Variants in CD69 observed in about 807,000 individuals in gnomAD.
CD69 encodes early activation antigen CD69.
CD69 carries 10 observed loss-of-function variants against 21.4 expected under a neutral mutation model. That is an observed-to-expected ratio of 0.47 (90% CI 0.29 to 0.79). The LOEUF (loss-of-function observed/expected upper bound fraction) is 0.79, where lower values mean the gene tolerates loss of function less well. Ranked by LOEUF, CD69 falls within the 30% of genes least tolerant of loss-of-function variation. The pLI, the probability that CD69 is intolerant of heterozygous loss-of-function variation, is 0.09. For synonymous variants in CD69, 63 were observed against 78.2 expected (o/e 0.81, Z 1.03); for missense variants, 204 against 236.9 (o/e 0.86, Z 0.91).
chr12:9,757,682 A>G (rs1417057224), intron 1 of CD69, among the ~76,000 whole-genome samples: 1 of 152,236 alleles, frequency 6.6e-6, no homozygotes, highest in African/African-American at 2.4e-5. Flanking sequence ...ACATATTTGC[A>G]TTTACATGAC....
chr12:9,754,757 G>GT (rs1866664701), intron 3 of CD69, 67 bp from the exon 4 acceptor site: 1 of 1,046,136 alleles, frequency 9.6e-7, no homozygotes, highest in Non-Finnish European at 1.5e-6. Flanking sequence ...AGTAAATCCT[G>GT]TTTCTCAAAA....
chr12:9,759,651 G>T (rs954075080), intron 1 of CD69, among the ~76,000 whole-genome samples: 4 of 151,954 alleles, frequency 2.6e-5, no homozygotes, highest in East Asian at 3.8e-4. Flanking sequence ...GATGTTTTTC[G>T]GAAGTAAACT....
chr12:9,757,283 G>A (rs1591728321), intron 1 of CD69, among the ~76,000 whole-genome samples: 1 of 152,294 alleles, frequency 6.6e-6, no homozygotes. Flanking sequence ...AGTTGCTGCA[G>A]ATGTGGAGCA....
chr12:9,758,150 T>A (rs1359985380), intron 1 of CD69, among the ~76,000 whole-genome samples: 1 of 151,940 alleles, frequency 6.6e-6, no homozygotes. Context: ...CAAAAAACTC[T>A]AAGAGGATGT....
At chr12:9,757,157 G>A (rs544429638) in intron 1 of CD69, among the ~76,000 whole-genome samples, 64 of 152,132 alleles carry the variant, frequency 4.2e-4, no homozygotes, top group Non-Finnish European at 8.2e-4. Flanking sequence ...TGAGAGAAAT[G>A]ATGTGAATGG....
chr12:9,755,230 T>G lies in CD69; in HGVS notation c.219A>C (p.Thr73=). 6.2e-7 allele frequency: 1 copy of G among 1,614,134 alleles called. No homozygotes were observed. Residue 73 remains threonine, a synonymous_variant, in exon 3 of 5, where the codon ACA becomes ACC. Transcript: ENST00000228434. ...CATGGCTGTCTGATGGCATTGAGAA[T>G]GTGTATTGGCCTGGACAATTGTATT... The part of the protein sequence containing the change: ...VGQYNCPGQY[T]FSMPSDSHVS...
At chr12:9,758,269 G>A (rs923595010) in intron 1 of CD69, among the ~76,000 whole-genome samples, 4 of 152,052 alleles carry the variant, frequency 2.6e-5, no homozygotes, top group Non-Finnish European at 4.4e-5. Context: ...TTAAAATGCG[G>A]CCCCACAAGG....
intron 2 of CD69, 80 bp downstream of exon 2, chr12:9,756,217 C>G: frequency 5.9e-6 from 8 of 1,346,454 alleles, no homozygotes; most frequent in Non-Finnish European, 5.1e-6. Flanking sequence ...ATTAACTAGA[C>G]TAAACTAATA....
chr12:9,757,227 T>G (rs1866686786), intron 1 of CD69, among the ~76,000 whole-genome samples: 1 of 152,200 alleles, frequency 6.6e-6, no homozygotes, highest in South Asian at 2.1e-4. Flanking sequence ...TATCTGACAT[T>G]AAAATGACTG....
intron 2 of CD69, chr12:9,756,047 A>C (rs893145552): frequency 2.2e-5 from 5 of 232,014 alleles, no homozygotes; most frequent in African/African-American, 1.1e-4. Flanking sequence ...CATCTTTTCA[A>C]ATGCAATTTT....
intron 2 of CD69, 83 bp downstream of exon 2, chr12:9,756,214 A>G: frequency 7.7e-7 from 1 of 1,299,560 alleles, no homozygotes; most frequent in Admixed American, 2.1e-5. Flanking sequence ...CTGATTAACT[A>G]GACTAAACTA....
intron 1 of CD69, among the ~76,000 whole-genome samples, chr12:9,759,041 T>C (rs1009401903): frequency 2.0e-5 from 3 of 152,196 alleles, no homozygotes; most frequent in Non-Finnish European, 4.4e-5. Flanking sequence ...GCCATTCTCC[T>C]GCCTCAGCCT....
intron 4 of CD69, 158 bp downstream of exon 4, chr12:9,754,429 T>G (rs1866658825): frequency 1.9e-6 from 1 of 527,068 alleles, no homozygotes; most frequent in East Asian, 3.0e-5. Flanking sequence ...TAATAAAGCC[T>G]GTTATTAAAG....
intron 1 of CD69, among the ~76,000 whole-genome samples, chr12:9,757,579 C>A (rs1022918959): frequency 4.0e-5 from 6 of 151,746 alleles, no homozygotes; most frequent in Non-Finnish European, 8.8e-5. Context: ...CTCAGCAATT[C>A]AAAATAAGAC....
intron 4 of CD69, 152 bp from the exon 5 acceptor site, chr12:9,753,741 A>G (rs927555821): frequency 9.0e-6 from 3 of 332,578 alleles, no homozygotes; most frequent in Admixed American, 1.5e-4. Flanking sequence ...TGTAGAGACA[A>G]TGGACAAGAA....
In CD69 at chr12:9,755,385, G is replaced by A. The variant is rs937056526; in HGVS notation, c.188-124C>T. On this transcript the variant is annotated intron_variant, in intron 2 of 4. Transcript: ENST00000228434. Reference sequence around the variant, plus strand: ...TAAAGTAAAGGATAAAAGCTAAAAAGTAGAATTCTGAAAAGGGTATGAAGA... The same window carrying A: ...TAAAGTAAAGGATAAAAGCTAAAAAATAGAATTCTGAAAAGGGTATGAAGA... 24 of 745,968 alleles carry A rather than the reference G, an allele frequency of 3.2e-5. No homozygotes were observed. In the African/African-American group the frequency reaches 4.2e-4, roughly 13 times the overall value. 46.2% of individuals were successfully genotyped at this position (745,968 alleles called of 1,614,324 possible).
chr12:9,756,173 G>T, intron 2 of CD69, 124 bp downstream of exon 2: 1 of 772,070 alleles, frequency 1.3e-6, no homozygotes, highest in Non-Finnish European at 2.0e-6. Flanking sequence ...GCCATATATG[G>T]TACATGGGAT....
intron 1 of CD69, 85 bp downstream of exon 1, chr12:9,760,672 A>C: frequency 1.1e-6 from 1 of 928,174 alleles, no homozygotes; most frequent in Non-Finnish European, 1.8e-6. Context: ...ATATATAGAG[A>C]GATTACCAGT....
rs1475827139 is a variant in CD69 at position 9,752,486 on chromosome 12, T to C, written c.*995A>G. 2.0e-5 allele frequency: 3 copies of C among 152,634 alleles called. No homozygotes were observed. Among genetic ancestry groups the C allele is most frequent in the Non-Finnish European group, 4.4e-5 (3 of 68,016 alleles). The allele number at this position is 152,634 out of a possible 1,614,324, so 9.5% of individuals were successfully genotyped here. A position where few individuals can be genotyped will look rare whatever the true frequency, so the allele number is the denominator to read the frequency against. ...AAGGAATGAACTTTCTTGGAAACCA[T>C]TGTGTTTATTCTACTTTTATTTCAC... On this transcript the variant is annotated 3_prime_UTR_variant, in exon 5 of 5. Transcript: ENST00000228434.
Sources: allele counts gnomAD v4.1 joint callset (sites outside exome capture counted in the v4.1 genomes callset), GRCh38; gene constraint gnomAD v4.1.1; transcripts MANE v1.5; gene names NCBI Gene and HGNC (gene_info 2026-07-23, HGNC 2026-07-21).